KCNK17: variants seen among roughly 807,000 people sequenced by gnomAD.
KCNK17 encodes the protein potassium two pore domain channel subfamily K member 17.
KCNK17 carries 27 observed loss-of-function variants against 24.6 expected under a neutral mutation model. That is an observed-to-expected ratio of 1.10 (90% CI 0.81 to 1.51). The LOEUF is 1.51. Ranked by LOEUF, KCNK17 falls within the 40% of genes most tolerant of loss-of-function variation. The pLI, the probability that KCNK17 is intolerant of heterozygous loss-of-function variation, is 0.00. For synonymous variants in KCNK17, 181 were observed against 189.8 expected (o/e 0.95, Z 0.38); for missense variants, 450 against 436.6 (o/e 1.03, Z -0.27).
intron 1 of KCNK17, among the ~76,000 whole-genome samples, chr6:39,312,165 G>A (rs1426177727): frequency 1.3e-5 from 2 of 152,214 alleles, no homozygotes; most frequent in Non-Finnish European, 2.9e-5. Flanking sequence ...ATGTTGCAGA[G>A]GATTGTGAGG....
Position 39,299,568 on chromosome 6 carries a change from C to A in KCNK17, c.858G>T (p.Lys286Asn), listed in dbSNP as rs367758259. 2 of 1,614,048 alleles carry A rather than the reference C, an allele frequency of 1.2e-6. No individual in the cohort carries two copies. Among genetic ancestry groups the A allele is most frequent in the African/African-American group, 1.3e-5 (1 of 74,916 alleles). Residue 286 changes from lysine (K) to asparagine (N), a missense_variant, in exon 5 of 5, where the codon AAG (lysine) becomes AAT (asparagine). Lys to Asn is a moderately conservative substitution (Grantham distance 94). Transcript: ENST00000373231. ...CCHHSSKEDF[K>N]SQSWRQGPDR... ...CAGGTCCCTGTCTCCAGCTTTGGGA[C>A]TTGAAGTCTTCCTTAGAGCTGTGGT...
At chr6:39,312,757 C>G (rs1363277187) in intron 1 of KCNK17, among the ~76,000 whole-genome samples, 6 of 152,192 alleles carry the variant, frequency 3.9e-5, no homozygotes, top group Non-Finnish European at 8.8e-5. Flanking sequence ...GCCCAGGCTG[C>G]TTGTAGTCGA....
chr6:39,306,457 T>A (rs903043696), intron 2 of KCNK17, among the ~76,000 whole-genome samples: 2 of 152,230 alleles, frequency 1.3e-5, no homozygotes, highest in African/African-American at 2.4e-5. Context: ...AATGAATGAA[T>A]GAGGAAATAC....
chr6:39,300,373 C>T (rs1486735189), intron 4 of KCNK17: 2 of 987,630 alleles, frequency 2.0e-6, no homozygotes, highest in Non-Finnish European at 3.1e-6. Context: ...ATCCACCTAC[C>T]TCGGCCTCCC....
At position 39,314,141 on chromosome 6, in the gene KCNK17, C is replaced by T. The variant is rs757147464; in HGVS notation, c.180G>A (p.Trp60Ter). 6.3e-7 allele frequency: 1 copy of T among 1,590,626 alleles called. No homozygotes were observed. The highest frequency in any genetic ancestry group is 8.5e-7 in the Non-Finnish European group (1 of 1,171,698). Residue 60 changes from tryptophan to a stop codon, truncating the protein, a stop_gained, in exon 1 of 5, where the codon TGG becomes TGA. Transcript: ENST00000373231. LOFTEE classifies it high-confidence loss of function. ...GACACGTGAAGTTCTGCAACAGCTCCCACTTGTCGCGCTGGAAGCTGCGGC... is the reference window on the plus strand; with the variant it reads ...GACACGTGAAGTTCTGCAACAGCTCTCACTTGTCGCGCTGGAAGCTGCGGC... ...DSSRSFQRDK[W>*]ELLQNFTCLD...
chr6:39,299,856 G>A, intron 4 of KCNK17, 119 bp from the exon 5 acceptor site: 1 of 1,021,844 alleles, frequency 9.8e-7, no homozygotes, highest in Non-Finnish European at 1.5e-6. Context: ...CAATGGGACA[G>A]AACATGGAGA....
At position 39,304,097 on chromosome 6, in the gene KCNK17, C is replaced by A; in HGVS notation, c.548G>T (p.Gly183Val). Residue 183 changes from glycine (G) to valine (V), a missense_variant, in exon 4 of 5, where the codon GGC becomes GTC. Physicochemically the swap from Gly to Val is moderately radical, Grantham distance 109. Coordinates refer to ENST00000373231, the MANE Select transcript of KCNK17 (RefSeq NM_031460.4). ...PDKARWLAGS[G>V]ALLSGLLLFL... ...GAGCAGGAGGCCCGAGAGGAGGGCG[C>A]CAGAGCCCGCCAGCCACCGCGCCTT... 6.2e-7 allele frequency: 1 copy of A among 1,610,974 alleles called. No individual in the cohort carries two copies. The highest frequency in any genetic ancestry group is 8.5e-7 in the Non-Finnish European group (1 of 1,179,874).
In KCNK17 at chr6:39,314,246, C is replaced by G; in HGVS notation, c.75G>C (p.Leu25=). 3.9e-6 allele frequency: 6 copies of G among 1,536,470 alleles called. No individual in the cohort carries two copies. The highest frequency in any genetic ancestry group is 5.2e-6 in the Non-Finnish European group (6 of 1,145,944). Residue 25 remains leucine, a synonymous_variant, in exon 1 of 5, where the codon CTG becomes CTC. Transcript: ENST00000373231. ...RGCAVPSTVL[L]LLAYLAYLAL... is the part of the protein sequence containing the mutation. ...CCAGGTAAGCCAGGTAGGCGAGCAG[C>G]AGGAGCACGGTGCTGGGCACCGCGC...
At chr6:39,311,071 T>TTCACAC in intron 1 of KCNK17, 64 bp from the exon 2 acceptor site, 4 of 662,570 alleles carry the variant, frequency 6.0e-6, no homozygotes, top group Non-Finnish European at 1.1e-5. Context: ...TACCCCAAGA[T>TTCACAC]GCACACACAC....
chr6:39,307,714 C>T (rs920998391), intron 2 of KCNK17, among the ~76,000 whole-genome samples: 3 of 152,208 alleles, frequency 2.0e-5, no homozygotes, highest in Non-Finnish European at 4.4e-5. Flanking sequence ...CACAGCCCCA[C>T]CCAAGCCACC....
At chr6:39,308,057 C>T (rs1475699928) in intron 2 of KCNK17, among the ~76,000 whole-genome samples, 3 of 152,164 alleles carry the variant, frequency 2.0e-5, no homozygotes, top group Non-Finnish European at 4.4e-5. Flanking sequence ...ACAATAGGTG[C>T]CCCCATCACT....
At chr6:39,312,559 T>C (rs1762157907) in intron 1 of KCNK17, among the ~76,000 whole-genome samples, 1 of 152,080 alleles carries the variant, frequency 6.6e-6, no homozygotes, top group South Asian at 2.1e-4. Context: ...TCTTCACCTC[T>C]GAAACAGGAT....
rs970861882 is a variant in KCNK17, at chr6:39,299,310, G to A, written c.*117C>T. 1.7e-5 allele frequency: 13 copies of A among 749,304 alleles called. No homozygotes were observed. In the African/African-American group the frequency reaches 2.1e-4, roughly 12 times the overall value. The allele number at this position is 749,304 out of a possible 1,614,324, so 46.4% of individuals were successfully genotyped here. On this transcript the variant is annotated 3_prime_UTR_variant, in exon 5 of 5. Coordinates refer to ENST00000373231, the MANE Select transcript of KCNK17 (RefSeq NM_031460.4). ...CCTATTGGGCAGAATTAATCATATA[G>A]CTGCACCCAGCCTCTAGGGTGGATG... is the stretch of plus-strand genomic sequence containing the variant.
chr6:39,300,464 T>C, intron 4 of KCNK17: 4 of 1,548,646 alleles, frequency 2.6e-6, no homozygotes, highest in Non-Finnish European at 3.5e-6. Flanking sequence ...GATTTCGATG[T>C]CCGCTCTAGT....
At position 39,301,103 on chromosome 6, in the gene KCNK17, C is replaced by T. The variant is rs1198662614; in HGVS notation, c.689-1366G>A. ...GGTGGTTGCTTGTTTCACTCACCAT[C>T]GGACACCCCCAACGAAGTTGGTGCT... On this transcript the variant is annotated intron_variant, in intron 4 of 4. Transcript: ENST00000373231. Among the ~76,000 whole-genome samples the T allele has an allele frequency of 2.6e-5, 4 of 152,206 alleles. 1 individual carries two copies. The South Asian group carries it at 6.2e-4, about 24-fold the overall frequency.
At chr6:39,308,751 G>A (rs1049697655) in intron 2 of KCNK17, among the ~76,000 whole-genome samples, 2 of 152,210 alleles carry the variant, frequency 1.3e-5, no homozygotes, top group Non-Finnish European at 2.9e-5. Flanking sequence ...CAGGGTGCTG[G>A]TCCCAGGGTA....
At chr6:39,307,122 C>A (rs1336928399) in intron 2 of KCNK17, among the ~76,000 whole-genome samples, 1 of 152,050 alleles carries the variant, frequency 6.6e-6, no homozygotes, top group Non-Finnish European at 1.5e-5. Flanking sequence ...TTTGGCTTGA[C>A]CTTTCTGAAT....
At chr6:39,311,519 C>T (rs576674896) in intron 1 of KCNK17, among the ~76,000 whole-genome samples, 2 of 152,228 alleles carry the variant, frequency 1.3e-5, no homozygotes, top group Non-Finnish European at 2.9e-5. Context: ...CTCAACTTCT[C>T]TCTGTGCCTC....
intron 2 of KCNK17, among the ~76,000 whole-genome samples, chr6:39,307,893 A>G (rs552756536): frequency 1.7e-4 from 26 of 152,284 alleles, no homozygotes; most frequent in African/African-American, 5.5e-4. Context: ...ACTGCTCCCC[A>G]AACACACAAG....
Sources: gnomAD v4.1 joint callset for allele counts (sites outside exome capture counted in the v4.1 genomes callset) on GRCh38, gnomAD v4.1.1 for gene constraint, MANE v1.5 for transcripts, NCBI Gene and HGNC (gene_info 2026-07-23, HGNC 2026-07-21) for gene names.